The following TATDN1 variants were observed in gnomAD, a reference collection of about 807,000 sequenced individuals.
TATDN1 encodes the protein deoxyribonuclease TATDN1.
A neutral mutation model predicts 46.4 loss-of-function variants in TATDN1; 40 were observed. The ratio of observed to expected loss-of-function variants is 0.86; its 90% CI spans 0.67 to 1.12. The LOEUF is 1.12. TATDN1 is among the 50% of genes most tolerant of loss of function. TATDN1 has a pLI of 0.00. For missense variants in TATDN1, 326 were observed against 348.4 expected, an observed-to-expected ratio of 0.94 and a Z score of 0.51; for synonymous variants, 95 against 105.6, an observed-to-expected ratio of 0.90 and a Z score of 0.62.
At chr8:124,508,814 T>C in intron 6 of TATDN1, 126 bp from the exon 7 acceptor site, 1 of 629,832 alleles carries the variant, frequency 1.6e-6, no homozygotes, top group Non-Finnish European at 2.7e-6. Context: ...ACAAAAATCA[T>C]GAATATTTAA....
chr8:124,522,110 A>T (rs765356475), intron 3 of TATDN1, 41 bp downstream of exon 3: 1 of 1,437,352 alleles, frequency 7.0e-7, no homozygotes, highest in Non-Finnish European at 9.6e-7. Flanking sequence ...TAGTTAAAAA[A>T]TGAATTTTAA....
chr8:124,534,002 C>T (rs1586688292), intron 1 of TATDN1, among the ~76,000 whole-genome samples: 1 of 151,392 alleles, frequency 6.6e-6, no homozygotes, highest in African/African-American at 2.4e-5. Context: ...AAAAATTAGC[C>T]GGGCGTGGTA....
At chr8:124,532,724 G>A (rs556069932) in intron 1 of TATDN1, among the ~76,000 whole-genome samples, 136 of 152,352 alleles carry the variant, frequency 8.9e-4, no homozygotes, top group African/African-American at 3.0e-3. Context: ...CCAGTAGGCA[G>A]GCCCAAGTGA....
rs1283258698 is a variant in TATDN1 at position 124,495,642 on chromosome 8, C to T, written c.594-100G>A. 5 of 818,566 alleles carry T rather than the reference C, an allele frequency of 6.1e-6. No homozygotes were observed. In the East Asian group the frequency reaches 1.3e-4, roughly 22 times the overall value. The allele number at this position is 818,566 out of a possible 1,614,324, so 50.7% of individuals were successfully genotyped here. On this transcript the variant is annotated intron_variant, in intron 9 of 11. Coordinates refer to ENST00000276692, the MANE Select transcript of TATDN1 (RefSeq NM_032026.4). ...AAATGCTACAAAACCAACCCAAAAC[C>T]CTATAACACTTTGTTTTCAGTATAC...
At chr8:124,538,902 C>T (rs1390196068) in intron 1 of TATDN1, 123 bp downstream of exon 1, 1 of 1,148,318 alleles carries the variant, frequency 8.7e-7, no homozygotes, top group African/African-American at 1.5e-5. Context: ...CGCCCTCCTC[C>T]ACTGAGCGGC....
At chr8:124,537,117 A>C (rs2131586638) in intron 1 of TATDN1, among the ~76,000 whole-genome samples, 1 of 152,268 alleles carries the variant, frequency 6.6e-6, no homozygotes, top group South Asian at 2.1e-4. Flanking sequence ...ATCTGATGCT[A>C]ATCCCTTTAC....
intron 9 of TATDN1, among the ~76,000 whole-genome samples, chr8:124,499,766 G>A (rs1351443839): frequency 6.6e-6 from 1 of 151,476 alleles, no homozygotes; most frequent in South Asian, 2.1e-4. Context: ...GGATGGTCTC[G>A]ATCTCTTGAC....
chr8:124,511,130 G>A lies in TATDN1; in HGVS notation c.390-2442C>T, dbSNP rs956532289. Among the ~76,000 whole-genome samples the A allele has an allele frequency of 2.6e-5, 4 of 152,110 alleles. No homozygotes were observed. In the East Asian group the frequency reaches 5.8e-4, roughly 22 times the overall value. The stretch of plus-strand genomic sequence containing the variant: ...TTTACTCACTTATTATTTTTTTAAA[G>A]TTCATAAATGAAAATAATTTTCCAC... On this transcript the variant is annotated intron_variant, in intron 6 of 11. Transcript: ENST00000276692.
intron 1 of TATDN1, among the ~76,000 whole-genome samples, chr8:124,528,994 G>C (rs1052677089): frequency 2.2e-4 from 33 of 152,194 alleles, no homozygotes; most frequent in Admixed American, 1.4e-3. Flanking sequence ...TATGGGATAA[G>C]CCCGTGCCTA....
intron 8 of TATDN1, among the ~76,000 whole-genome samples, chr8:124,505,916 C>G (rs143464715): frequency 2.1e-3 from 285 of 138,730 alleles, no homozygotes; most frequent in African/African-American, 7.1e-3. Flanking sequence ...CCTCATAAAC[C>G]ATTTCAGAAA....
At chr8:124,520,942 C>CAAAAAAA (rs1162309758) in intron 3 of TATDN1, among the ~76,000 whole-genome samples, 1 of 82,244 alleles carries the variant, frequency 1.2e-5, no homozygotes, top group African/African-American at 4.4e-5. Flanking sequence ...GACTCCGTCT[C>CAAAAAAA]AAAAAAAAAA....
intron 10 of TATDN1, 142 bp from the exon 11 acceptor site, chr8:124,494,101 T>C: frequency 1.3e-6 from 1 of 742,364 alleles, no homozygotes; most frequent in Non-Finnish European, 2.0e-6. Flanking sequence ...AAAACAGTTC[T>C]AAGAAAAGCA....
chr8:124,500,451 A>C (rs1817857126), intron 9 of TATDN1, among the ~76,000 whole-genome samples: 1 of 152,170 alleles, frequency 6.6e-6, no homozygotes, highest in African/African-American at 2.4e-5. Context: ...TCATGCCTGT[A>C]ATCCAAGCAC....
intron 1 of TATDN1, among the ~76,000 whole-genome samples, chr8:124,530,090 C>CA (rs36019055): frequency 0.17 from 25,001 of 149,436 alleles, 2,565 homozygotes; most frequent in African/African-American, 0.29. Context: ...GACTCAGTCT[C>CA]AAAAAAAAAC....
intron 9 of TATDN1, among the ~76,000 whole-genome samples, chr8:124,497,212 G>C (rs1817544182): frequency 6.6e-6 from 1 of 151,658 alleles, no homozygotes; most frequent in African/African-American, 2.4e-5. Flanking sequence ...GAGTGCCCTA[G>C]TCTTGATTTT....
Position 124,488,565 on chromosome 8 carries a change from C to CATG in TATDN1, c.*26_*28dup. On this transcript the variant is annotated 3_prime_UTR_variant, in exon 12 of 12. Coordinates refer to ENST00000276692, the MANE Select transcript of TATDN1 (RefSeq NM_032026.4). ...AAGTTTTACTATGAAATTTTACATA[C>CATG]ATGATGGAAAGTGGAAGACATATAC... The CATG allele has an allele frequency of 8.6e-7, 1 of 1,159,808 alleles. No homozygotes were observed. Among genetic ancestry groups the CATG allele is most frequent in the Non-Finnish European group, 1.3e-6 (1 of 796,486 alleles). The allele number at this position is 1,159,808 out of a possible 1,614,324, so 71.8% of individuals were successfully genotyped here. A position where few individuals can be genotyped will look rare whatever the true frequency, so the allele number is the denominator to read the frequency against.
At chr8:124,510,925 T>C (rs1451829267) in intron 6 of TATDN1, among the ~76,000 whole-genome samples, 1 of 152,156 alleles carries the variant, frequency 6.6e-6, no homozygotes, top group African/African-American at 2.4e-5. Flanking sequence ...GCTAGCTACG[T>C]ATCATAAAGA....
At chr8:124,513,509 T>G (rs1193543829) in intron 6 of TATDN1, among the ~76,000 whole-genome samples, 1 of 152,236 alleles carries the variant, frequency 6.6e-6, no homozygotes, top group Non-Finnish European at 1.5e-5. Context: ...ATTTACTGAA[T>G]GTAGTTTGAA....
chr8:124,496,973 A>G (rs529568591), intron 9 of TATDN1, among the ~76,000 whole-genome samples: 1 of 152,302 alleles, frequency 6.6e-6, no homozygotes, highest in South Asian at 2.1e-4. Flanking sequence ...TTCAACATGT[A>G]TCTCTGAGCA....
Sources: allele counts gnomAD v4.1 joint callset (sites outside exome capture counted in the v4.1 genomes callset), GRCh38; gene constraint gnomAD v4.1.1; transcripts MANE v1.5; gene names NCBI Gene and HGNC (gene_info 2026-07-23, HGNC 2026-07-21).